The following ARSJ variants were observed in gnomAD, a reference collection of about 807,000 sequenced individuals.
ARSJ encodes the protein arylsulfatase J.
ARSJ carries 26 observed loss-of-function variants against 35.9 expected under a neutral mutation model. The observed-to-expected ratio is 0.72, with a 90% CI of 0.53 to 1.00. ARSJ has a LOEUF of 1.00. Ranked by LOEUF, ARSJ falls within the 50% of genes least tolerant of loss-of-function variation. The pLI is 0.00. For synonymous variants in ARSJ, 294 were observed against 267.6 expected (o/e 1.10, Z -0.96); for missense variants, 667 against 723.6 (o/e 0.92, Z 0.90).
intron 1 of ARSJ, among the ~76,000 whole-genome samples, chr4:113,950,242 C>T (rs903177039): frequency 1.3e-5 from 2 of 152,022 alleles, no homozygotes; most frequent in African/African-American, 4.8e-5. Flanking sequence ...CCAGAGCTGC[C>T]CTGAAGGAAA....
At chr4:113,970,669 G>C (rs1253516098) in intron 1 of ARSJ, among the ~76,000 whole-genome samples, 1 of 152,052 alleles carries the variant, frequency 6.6e-6, no homozygotes, top group Non-Finnish European at 1.5e-5. Flanking sequence ...TTAGAGGAGA[G>C]AGGGGCTGGG....
In ARSJ at chr4:113,901,427, T is replaced by C. The variant is rs1354893196; in HGVS notation, c.*847A>G. 1 of 152,018 alleles carries C rather than the reference T, an allele frequency of 6.6e-6. No individual in the cohort carries two copies. The allele number at this position is 152,018 out of a possible 1,614,324, so 9.4% of individuals were successfully genotyped here. A position where few individuals can be genotyped will look rare whatever the true frequency, so the allele number is the denominator to read the frequency against. On this transcript the variant is annotated 3_prime_UTR_variant, in exon 2 of 2. Transcript: ENST00000315366. The stretch of plus-strand genomic sequence containing the variant: ...TTTATAGTATTACAGTGCTTGGTAA[T>C]TTGAAGAAATGAAATAAAATTATTC...
intron 1 of ARSJ, among the ~76,000 whole-genome samples, chr4:113,935,471 C>G (rs10012647): frequency 7.3e-5 from 11 of 151,628 alleles, no homozygotes; most frequent in African/African-American, 2.4e-4. Context: ...AGACAGAAAA[C>G]CCTTTGGGTG....
chr4:113,948,009 T>C (rs902656445), intron 1 of ARSJ, among the ~76,000 whole-genome samples: 5 of 151,952 alleles, frequency 3.3e-5, no homozygotes, highest in Admixed American at 3.3e-4. Flanking sequence ...GGCAACATGG[T>C]GAAACCCCAT....
Position 113,902,999 on chromosome 4 carries a change from C to T in ARSJ, c.1075G>A (p.Val359Met), listed in dbSNP as rs1490475436. 5.0e-6 allele frequency: 8 copies of T among 1,614,144 alleles called. No homozygotes were observed. In the South Asian group the frequency reaches 8.8e-5, roughly 18 times the overall value. The change falls in exon 2 of 2, where the codon GTG (valine) becomes ATG (methionine). Residue 359 changes from valine to methionine, a missense_variant. By Grantham distance (21) the Val-to-Met change is conservative. Coordinates refer to ENST00000315366, the MANE Select transcript of ARSJ (RefSeq NM_024590.4). ...WEGGIRAVGFVHSPLLKNKGT... is the reference protein window; with the variant it reads ...WEGGIRAVGFMHSPLLKNKGT... Reference sequence around the variant, plus strand: ...TTGTTTTTCAGAAGTGGGCTATGCACAAAGCCTACAGCCCGGATCCCTCCT... The same window carrying T: ...TTGTTTTTCAGAAGTGGGCTATGCATAAAGCCTACAGCCCGGATCCCTCCT...
At chr4:113,927,813 G>T (rs182556639) in intron 1 of ARSJ, among the ~76,000 whole-genome samples, 1 of 152,140 alleles carries the variant, frequency 6.6e-6, no homozygotes. Context: ...CCACCCCTGC[G>T]TCTTTCAAGT....
chr4:113,978,647 C>T lies in ARSJ; in HGVS notation c.188G>A (p.Gly63Glu). The change falls in exon 1 of 2, where the codon GGA becomes GAA. Residue 63 changes from glycine (G) to glutamate (E), a missense_variant. Coordinates refer to ENST00000315366, the MANE Select transcript of ARSJ (RefSeq NM_024590.4). ...AGTTGTGCTGGGCTCTAGTTTCTCT[C>T]CAGCTTGAGCTAGTAAGGCCCCTTC... is the stretch of plus-strand genomic sequence containing the variant. ...EEEGALLAQA[G>E]EKLEPSTTST... is the part of the protein sequence containing the mutation. 2 of 1,614,184 alleles carry T rather than the reference C, an allele frequency of 1.2e-6. No homozygotes were observed. The highest frequency in any genetic ancestry group is 1.7e-6 in the Non-Finnish European group (2 of 1,180,014).
At position 113,978,811 on chromosome 4, in the gene ARSJ, C is replaced by T. The variant is rs763259937; in HGVS notation, c.24G>A (p.Gly8=). The T allele has an allele frequency of 6.2e-7, 1 of 1,608,896 alleles. No homozygotes were observed. Among genetic ancestry groups the T allele is most frequent in the Non-Finnish European group, 8.5e-7 (1 of 1,177,544 alleles). ...CCTGTGGAGAAGGCGGAGGCGGATG[C>T]CCCGCACAGCCCCTGGGAGCCATTC... MAPRGCA[G]HPPPPSPQAC... Residue 8 remains glycine (G), a synonymous_variant, in exon 1 of 2, where the codon GGG becomes GGA. Transcript: ENST00000315366.
intron 1 of ARSJ, among the ~76,000 whole-genome samples, chr4:113,975,276 T>C (rs779185830): frequency 7.9e-5 from 12 of 152,146 alleles, no homozygotes; most frequent in Non-Finnish European, 1.3e-4. Flanking sequence ...GTATTTCAAG[T>C]GGGATAAATG....
chr4:113,934,816 G>T (rs11729278), intron 1 of ARSJ, among the ~76,000 whole-genome samples: 44,027 of 151,446 alleles, frequency 0.29, 6,606 homozygotes, highest in East Asian at 0.47. Flanking sequence ...TGTCTACTAG[G>T]TATCAACAAA....
Position 113,902,166 on chromosome 4 carries a change from C to T in ARSJ, c.*108G>A. 1 of 1,598,734 alleles carries T rather than the reference C, an allele frequency of 6.3e-7. No individual in the cohort carries two copies. Among genetic ancestry groups the T allele is most frequent in the Non-Finnish European group, 8.5e-7 (1 of 1,179,838 alleles). On this transcript the variant is annotated 3_prime_UTR_variant, in exon 2 of 2. Coordinates refer to ENST00000315366, the MANE Select transcript of ARSJ (RefSeq NM_024590.4). ...GGAGTGGCACAGCATGAAAACAAGC[C>T]TGACGCTTAGGCCAGCGATATTATC...
At position 113,978,894 on chromosome 4, in the gene ARSJ, C is replaced by A. The variant is rs779865124; in HGVS notation, c.-60G>T. ...ACCACGCGCCCCGCGCCGCTGCGGG[C>A]GCACACATGCACCCAACAGACGGTG... is the stretch of plus-strand genomic sequence containing the variant. On this transcript the variant is annotated 5_prime_UTR_variant, in exon 1 of 2. Coordinates refer to ENST00000315366, the MANE Select transcript of ARSJ (RefSeq NM_024590.4). The A allele has an allele frequency of 4.6e-6, 7 of 1,506,342 alleles. No homozygotes were observed. Among genetic ancestry groups the A allele is most frequent in the African/African-American group, 2.8e-5 (2 of 71,622 alleles). The allele number at this position is 1,506,342 out of a possible 1,614,324, so 93.3% of individuals were successfully genotyped here.
At chr4:113,975,237 C>A (rs1280509972) in intron 1 of ARSJ, among the ~76,000 whole-genome samples, 2 of 152,034 alleles carry the variant, frequency 1.3e-5, no homozygotes, top group African/African-American at 2.4e-5. Context: ...TTTGAGTTTC[C>A]TTCACATTTG....
At chr4:113,923,116 C>G (rs769044072) in intron 1 of ARSJ, among the ~76,000 whole-genome samples, 3 of 152,144 alleles carry the variant, frequency 2.0e-5, no homozygotes, top group Admixed American at 1.3e-4. Context: ...CTCTGGGTCT[C>G]CAGCCTGCAG....
chr4:113,920,361 CTT>C (rs1485556128), intron 1 of ARSJ, among the ~76,000 whole-genome samples: 1 of 152,138 alleles, frequency 6.6e-6, no homozygotes, highest in Non-Finnish European at 1.5e-5. Flanking sequence ...ATCCAGATCA[CTT>C]TGCAACATCC....
At chr4:113,966,568 T>G (rs184820595) in intron 1 of ARSJ, among the ~76,000 whole-genome samples, 6 of 152,276 alleles carry the variant, frequency 3.9e-5, no homozygotes, top group Admixed American at 1.3e-4. Context: ...CTCAATGGAA[T>G]TTTGAAGTAA....
chr4:113,951,405 C>T (rs1725856798), intron 1 of ARSJ, among the ~76,000 whole-genome samples: 1 of 152,074 alleles, frequency 6.6e-6, no homozygotes, highest in African/African-American at 2.4e-5. Flanking sequence ...CAGTGTCCCT[C>T]TTACAATCTG....
At chr4:113,905,129 T>C (rs538114501) in intron 1 of ARSJ, among the ~76,000 whole-genome samples, 1 of 152,356 alleles carries the variant, frequency 6.6e-6, no homozygotes, top group Admixed American at 6.5e-5. Context: ...AATTTTCACT[T>C]GGGCCATGAT....
At chr4:113,937,612 A>G (rs1013830640) in intron 1 of ARSJ, among the ~76,000 whole-genome samples, 1 of 151,980 alleles carries the variant, frequency 6.6e-6, no homozygotes, top group African/African-American at 2.4e-5. Context: ...CTGTGTTTGC[A>G]ATGACATGAT....
Sources: allele counts gnomAD v4.1 joint callset (sites outside exome capture counted in the v4.1 genomes callset), GRCh38; gene constraint gnomAD v4.1.1; transcripts MANE v1.5; gene names NCBI Gene and HGNC (gene_info 2026-07-23, HGNC 2026-07-21).